DNAI1: variants seen among roughly 807,000 people sequenced by gnomAD.
DNAI1 encodes the protein dynein, axonemal, intermediate polypeptide 1.
Under a neutral mutation model 92.0 loss-of-function variants are expected in DNAI1, and 67 were observed. The observed-to-expected ratio is 0.73, with a 90% CI of 0.60 to 0.89. The LOEUF is 0.89. Among genes scored for constraint, DNAI1 ranks in the 40% least tolerant of loss-of-function variants. The pLI, the probability that DNAI1 is intolerant of heterozygous loss-of-function variation, is 0.00. For synonymous variants in DNAI1, 323 were observed against 319.6 expected (o/e 1.01, Z -0.11); for missense variants, 839 against 866.6 (o/e 0.97, Z 0.40).
rs1200718522 is a variant in DNAI1 at position 34,512,148 on chromosome 9, T to A, written c.1351T>A (p.Phe451Ile). ...QKDDMDQNLN[F>I]FSVSSDGRIV... The stretch of plus-strand genomic sequence containing the variant: ...GGATGACATGGACCAAAACCTTAAC[T>A]TCTTCTCTGTGTCATCTGACGGCAG... Residue 451 changes from phenylalanine to isoleucine, a missense_variant, in exon 14 of 20, where the codon TTC becomes ATC. Transcript: ENST00000242317. 1.9e-6 allele frequency: 3 copies of A among 1,614,036 alleles called. No individual in the cohort carries two copies. The highest frequency in any genetic ancestry group is 2.5e-6 in the Non-Finnish European group (3 of 1,180,032).
Position 34,485,529 on chromosome 9 carries a change from C to A in DNAI1, c.261+12C>A. On this transcript the variant is annotated intron_variant, in intron 4 of 19. Transcript: ENST00000242317. The stretch of plus-strand genomic sequence containing the variant: ...GGTACAGCTTCAAAGTAAGTCATCC[C>A]CTCCTGGGCAGGGGCATCTATACCC... 6 of 1,613,542 alleles carry A rather than the reference C, an allele frequency of 3.7e-6. No individual in the cohort carries two copies. Among genetic ancestry groups the A allele is most frequent in the East Asian group, 2.2e-5 (1 of 44,858 alleles).
chr9:34,507,268 A>T (rs1469154999), intron 13 of DNAI1, among the ~76,000 whole-genome samples: 1 of 152,206 alleles, frequency 6.6e-6, no homozygotes, highest in East Asian at 1.9e-4. Context: ...ATCTGTGTAT[A>T]ACTTTGGGGT....
chr9:34,520,642 C>T lies in DNAI1; in HGVS notation c.2002-16C>T, dbSNP rs1362266360. The T allele has an allele frequency of 6.4e-7, 1 of 1,550,952 alleles. No individual in the cohort carries two copies. Among genetic ancestry groups the T allele is most frequent in the South Asian group, 1.2e-5 (1 of 84,040 alleles). On this transcript the variant is annotated splice_polypyrimidine_tract_variant and intron_variant, in intron 19 of 19. Transcript: ENST00000242317. ...GCCCACCATTCCTCCCTCATGTATA[C>T]TTTCCCTCTCCCCAGGAAAAGAAGG...
At chr9:34,500,181 G>A (rs1220414740) in intron 10 of DNAI1, among the ~76,000 whole-genome samples, 1 of 152,188 alleles carries the variant, frequency 6.6e-6, no homozygotes, top group East Asian at 1.9e-4. Flanking sequence ...AAAGTGGAAG[G>A]CAGAGACAAT....
At chr9:34,500,575 C>T (rs1824809073) in intron 10 of DNAI1, 147 bp from the exon 11 acceptor site, 1 of 677,866 alleles carries the variant, frequency 1.5e-6, no homozygotes, top group Non-Finnish European at 2.7e-6. Flanking sequence ...ATCCTCACAA[C>T]AGAACTCTGA....
chr9:34,475,286 A>G (rs1177585457), intron 1 of DNAI1, among the ~76,000 whole-genome samples: 3 of 152,214 alleles, frequency 2.0e-5, no homozygotes, highest in Non-Finnish European at 4.4e-5. Flanking sequence ...ATAAGGACCA[A>G]GACAACTGAG....
At chr9:34,464,000 C>T (rs1267393440) in intron 1 of DNAI1, among the ~76,000 whole-genome samples, 1 of 152,130 alleles carries the variant, frequency 6.6e-6, no homozygotes, top group African/African-American at 2.4e-5. Context: ...ACTCCTGTGA[C>T]CTCAGTGTCA....
At chr9:34,500,630 T>C (rs1824810209) in intron 10 of DNAI1, 92 bp from the exon 11 acceptor site, 1 of 814,540 alleles carries the variant, frequency 1.2e-6, no homozygotes, top group Non-Finnish European at 2.1e-6. Flanking sequence ...AGGCTCATTG[T>C]TTTGCCCAAG....
intron 18 of DNAI1, among the ~76,000 whole-genome samples, chr9:34,516,154 C>T (rs1320938505): frequency 9.9e-5 from 15 of 152,100 alleles, no homozygotes; most frequent in Non-Finnish European, 2.2e-4. Flanking sequence ...GAGGGAGCAG[C>T]TGGGGCAGAT....
At chr9:34,498,445 G>T (rs1418976593) in intron 10 of DNAI1, among the ~76,000 whole-genome samples, 2 of 152,174 alleles carry the variant, frequency 1.3e-5, no homozygotes, top group Non-Finnish European at 2.9e-5. Context: ...GCACTTCGCC[G>T]CTAGGCTGCA....
At chr9:34,478,193 ACTTGT>A (rs1824275793) in intron 1 of DNAI1, among the ~76,000 whole-genome samples, 1 of 152,090 alleles carries the variant, frequency 6.6e-6, no homozygotes, top group African/African-American at 2.4e-5. Flanking sequence ...GGCCACGAGA[ACTTGT>A]CTCAGGGAAA....
At chr9:34,462,253 T>C (rs1823965355) in intron 1 of DNAI1, among the ~76,000 whole-genome samples, 1 of 152,218 alleles carries the variant, frequency 6.6e-6, no homozygotes, top group Non-Finnish European at 1.5e-5. Flanking sequence ...TGCCCTCACT[T>C]CCTGGAAAGT....
chr9:34,461,600 C>T (rs535389863), intron 1 of DNAI1, among the ~76,000 whole-genome samples: 2 of 152,322 alleles, frequency 1.3e-5, no homozygotes, highest in East Asian at 3.9e-4. Flanking sequence ...AGACTAGTTA[C>T]ACTGAGAGCA....
intron 12 of DNAI1, among the ~76,000 whole-genome samples, chr9:34,504,128 C>A (rs1824881171): frequency 6.6e-6 from 1 of 152,100 alleles, no homozygotes; most frequent in Admixed American, 6.5e-5. Flanking sequence ...ATTGGAAGAG[C>A]AGGGGAGCCA....
intron 16 of DNAI1, 74 bp downstream of exon 16, chr9:34,513,265 A>G: frequency 8.6e-7 from 1 of 1,169,466 alleles, no homozygotes; most frequent in Non-Finnish European, 1.3e-6. Context: ...AGTTCTCAAC[A>G]GATCCTATTT....
chr9:34,460,535 C>T (rs759260932), intron 1 of DNAI1, among the ~76,000 whole-genome samples: 3 of 152,216 alleles, frequency 2.0e-5, no homozygotes, highest in Non-Finnish European at 4.4e-5. Flanking sequence ...CTTGGGGAAG[C>T]TGCTAGTCCC....
chr9:34,477,236 CT>C (rs1407462754), intron 1 of DNAI1, among the ~76,000 whole-genome samples: 9 of 152,052 alleles, frequency 5.9e-5, no homozygotes, highest in Admixed American at 5.9e-4. Context: ...CCAGGCTGGT[CT>C]TGAACTCTTG....
intron 1 of DNAI1, among the ~76,000 whole-genome samples, chr9:34,476,281 G>C (rs1824234368): frequency 6.6e-6 from 1 of 152,154 alleles, no homozygotes; most frequent in South Asian, 2.1e-4. Flanking sequence ...TAGGTTGATA[G>C]ACTTCAAACA....
At chr9:34,461,666 A>T (rs374187458) in intron 1 of DNAI1, among the ~76,000 whole-genome samples, 2 of 152,322 alleles carry the variant, frequency 1.3e-5, no homozygotes, top group South Asian at 2.1e-4. Flanking sequence ...GGCCCCGTAC[A>T]CATCAGCACT....
Sources: gnomAD v4.1 joint callset for allele counts (sites outside exome capture counted in the v4.1 genomes callset) on GRCh38, gnomAD v4.1.1 for gene constraint, MANE v1.5 for transcripts, NCBI Gene and HGNC (gene_info 2026-07-23, HGNC 2026-07-21) for gene names.